P2RX4: variants seen among roughly 807,000 people sequenced by gnomAD.
The protein encoded by P2RX4 is purinergic receptor P2X 4.
A neutral mutation model predicts 48.0 loss-of-function variants in P2RX4; 37 were observed. The ratio of observed to expected loss-of-function variants is 0.77; its 90% CI spans 0.59 to 1.01. P2RX4 has a LOEUF of 1.01. Ranked by LOEUF, P2RX4 falls within the 50% of genes least tolerant of loss-of-function variation. The probability of loss-of-function intolerance (pLI) is 0.00; values close to 1 mark genes in which losing one functional copy is unlikely to be tolerated. For missense variants in P2RX4, 501 were observed against 521.4 expected, an observed-to-expected ratio of 0.96 and a Z score of 0.38; for synonymous variants, 200 against 199.7, an observed-to-expected ratio of 1.00 and a Z score of -0.01.
At chr12:121,212,703 C>T (rs1192889316) in intron 1 of P2RX4, among the ~76,000 whole-genome samples, 1 of 145,526 alleles carries the variant, frequency 6.9e-6, no homozygotes, top group Non-Finnish European at 1.5e-5. Flanking sequence ...GCAGGAGAAT[C>T]GTTTGAATCC....
rs1334954116 is a variant in P2RX4, at chr12:121,223,027, G to A, written c.508G>A (p.Asp170Asn). 1 of 1,609,878 alleles carries A rather than the reference G, an allele frequency of 6.2e-7. No individual in the cohort carries two copies. Among genetic ancestry groups the A allele is most frequent in the Admixed American group, 1.7e-5 (1 of 59,998 alleles). ...EVAAWCPVED[D>N]THVPQPAFLK... ...GGCGGCCTGGTGCCCGGTGGAGGAT[G>A]ACACACACGTGCCACAGTGAGTCCA... Residue 170 changes from aspartate to asparagine, a missense_variant, in exon 5 of 12, where the codon GAC (aspartate) becomes AAC (asparagine). Asp to Asn is a conservative substitution (Grantham distance 23). Around this residue, in one of 3 missense-constraint regions of P2RX4, gnomAD observed 295 missense variants for 275.3 expected, o/e 1.07. Coordinates refer to ENST00000337233, the MANE Select transcript of P2RX4 (RefSeq NM_002560.3).
intron 4 of P2RX4, 22 bp downstream of exon 4, chr12:121,222,188 G>A (rs1171410140): frequency 6.4e-7 from 1 of 1,559,076 alleles, no homozygotes; most frequent in Non-Finnish European, 8.8e-7. Context: ...TGGCCTCCTG[G>A]GGAGGGCGGC....
chr12:121,219,741 G>T (rs1049299598), intron 2 of P2RX4, among the ~76,000 whole-genome samples: 1 of 151,842 alleles, frequency 6.6e-6, no homozygotes, highest in African/African-American at 2.4e-5. Flanking sequence ...GAAAGAAAAG[G>T]GATAGGATAG....
intron 1 of P2RX4, chr12:121,212,812 A>ATTTT (rs1374819479): frequency 6.1e-5 from 2 of 33,016 alleles, no homozygotes; most frequent in Admixed American, 3.4e-4. Flanking sequence ...ATATATATAT[A>ATTTT]TATATATATA....
Position 121,220,531 on chromosome 12 carries a change from G to A in P2RX4, c.283-1382G>A, listed in dbSNP as rs186761394. On this transcript the variant is annotated intron_variant, in intron 2 of 11. Coordinates refer to ENST00000337233, the MANE Select transcript of P2RX4 (RefSeq NM_002560.3). ...TACACCTGTAGTCCCAGCTACTCAG[G>A]AGGGTGAGGCTGGAGAATCGCTTGA... is the stretch of plus-strand genomic sequence containing the variant. 7.0e-4 allele frequency among the ~76,000 whole-genome samples: 107 copies of A among 152,218 alleles called. 1 individual carries two copies. The highest frequency in any genetic ancestry group is 2.6e-3 in the African/African-American group (106 of 41,534).
At chr12:121,221,881 C>T (rs7298368) in intron 2 of P2RX4, 32 bp from the exon 3 acceptor site, 293,864 of 1,600,380 alleles carry the variant, frequency 0.18, 29,165 homozygotes, top group East Asian at 0.31. Flanking sequence ...GTCCTCTGAG[C>T]GTGGCTTGCC....
Position 121,233,951 on chromosome 12 carries a change from G to T in P2RX4, c.*402G>T. The T allele has an allele frequency of 4.1e-6, 1 of 242,376 alleles. No homozygotes were observed. The highest frequency in any genetic ancestry group is 6.3e-5 in the South Asian group (1 of 15,828). 15.0% of individuals were successfully genotyped at this position (242,376 alleles called of 1,614,324 possible). A position where few individuals can be genotyped will look rare whatever the true frequency, so the allele number is the denominator to read the frequency against. ...TCAAGCACTTTATGCGGCAGGGGAG[G>T]CCGCCTGGCTGCAGTCACTAGACTT... On this transcript the variant is annotated 3_prime_UTR_variant, in exon 12 of 12. Coordinates refer to ENST00000337233, the MANE Select transcript of P2RX4 (RefSeq NM_002560.3).
chr12:121,221,367 G>C (rs1020535586), intron 2 of P2RX4, among the ~76,000 whole-genome samples: 2 of 149,550 alleles, frequency 1.3e-5, no homozygotes. Context: ...CATGTGACTA[G>C]ACTAGGACAG....
chr12:121,218,242 C>T (rs112778059), intron 2 of P2RX4, among the ~76,000 whole-genome samples: 14,878 of 152,090 alleles, frequency 0.098, 1,041 homozygotes, highest in Non-Finnish European at 0.14. Context: ...AATCCCAGCA[C>T]TTTGGGAGGC....
chr12:121,212,824 A>ATATATATATATTTTTTTTTTTTTTTT (rs370835501), intron 1 of P2RX4: 1 of 32,260 alleles, frequency 3.1e-5, no homozygotes, highest in African/African-American at 1.7e-4. Context: ...ATATATATAT[A>ATATATATATATTTTTTTTTTTTTTTT]TTTTTTTTTT....
intron 1 of P2RX4, chr12:121,216,918 A>G: frequency 2.8e-6 from 2 of 705,068 alleles, no homozygotes; most frequent in Non-Finnish European, 5.2e-6. Context: ...TACCTGCACC[A>G]TCTCATTTAT....
At chr12:121,211,876 T>C (rs1565996893) in intron 1 of P2RX4, among the ~76,000 whole-genome samples, 2 of 151,912 alleles carry the variant, frequency 1.3e-5, no homozygotes, top group Non-Finnish European at 2.9e-5. Flanking sequence ...GGTTTCGCCA[T>C]GTTGGCCAGG....
chr12:121,230,993 T>TC (rs58309134), intron 8 of P2RX4, among the ~76,000 whole-genome samples: 12,915 of 147,882 alleles, frequency 0.087, 662 homozygotes, highest in East Asian at 0.14. Flanking sequence ...TTTTTTTTTT[T>TC]TTCTTCTTTT....
At chr12:121,211,037 GT>G (rs1885803617) in intron 1 of P2RX4, among the ~76,000 whole-genome samples, 1 of 152,118 alleles carries the variant, frequency 6.6e-6, no homozygotes, top group Non-Finnish European at 1.5e-5. Flanking sequence ...TGTAGCGAGT[GT>G]TTAAAGTTTG....
intron 2 of P2RX4, among the ~76,000 whole-genome samples, chr12:121,220,605 C>A (rs530487611): frequency 6.6e-6 from 1 of 152,262 alleles, no homozygotes; most frequent in African/African-American, 2.4e-5. Context: ...CACTGCCCTG[C>A]AGCCTGGGCG....
At chr12:121,226,519 G>T (rs1200959093) in intron 5 of P2RX4, among the ~76,000 whole-genome samples, 1 of 152,028 alleles carries the variant, frequency 6.6e-6, no homozygotes, top group African/African-American at 2.4e-5. Context: ...CTCCAGCCCG[G>T]GTGACAGAAT....
At chr12:121,228,505 T>C (rs1165805087) in intron 5 of P2RX4, 28 bp from the exon 6 acceptor site, 1 of 1,458,962 alleles carries the variant, frequency 6.9e-7, no homozygotes, top group Admixed American at 1.7e-5. Flanking sequence ...TGTATTTTAT[T>C]AACAGTAATG....
rs1403082703 is a variant in P2RX4, at chr12:121,233,072, T to C, written c.1120T>C (p.Tyr374His). Residue 374 changes from tyrosine to histidine, a missense_variant, in exon 11 of 12, where the codon TAT (tyrosine) becomes CAT (histidine). Physicochemically the swap from Tyr to His is moderately conservative, Grantham distance 83. Around this residue, in one of 3 missense-constraint regions of P2RX4, gnomAD observed 197 missense variants for 219.5 expected, o/e 0.90. Transcript: ENST00000337233. ...CTACTATCGGGAGAAGAAATATAAA[T>C]ATGTGGAAGATTACGAGCAGGTAGG... ...RLYYREKKYKYVEDYEQGLAS... is the reference protein window; with the variant it reads ...RLYYREKKYKHVEDYEQGLAS... 6.2e-7 allele frequency: 1 copy of C among 1,611,982 alleles called. No individual in the cohort carries two copies. Among genetic ancestry groups the C allele is most frequent in the Admixed American group, 1.7e-5 (1 of 59,980 alleles).
chr12:121,210,979 C>A (rs1438067025), intron 1 of P2RX4, among the ~76,000 whole-genome samples: 1 of 152,146 alleles, frequency 6.6e-6, no homozygotes, highest in East Asian at 1.9e-4. Context: ...TTGGTCATTT[C>A]TTTTGATCAC....
Sources: gnomAD v4.1 joint callset for allele counts (sites outside exome capture counted in the v4.1 genomes callset) on GRCh38, gnomAD v4.1.1 for gene constraint, gnomAD v4.1.1 regional missense constraint, MANE v1.5 for transcripts, NCBI Gene and HGNC (gene_info 2026-07-23, HGNC 2026-07-21) for gene names.